The following PINX1 variants were observed in gnomAD, a reference collection of about 807,000 sequenced individuals.
PINX1 encodes PIN2/TERF1-interacting telomerase inhibitor 1.
PINX1 carries 34 observed loss-of-function variants against 25.4 expected under a neutral mutation model. The observed-to-expected ratio is 1.34, with a 90% CI of 1.02 to 1.78. The LOEUF is 1.78. Among genes scored for constraint, PINX1 ranks in the 40% most tolerant of loss-of-function variants. The pLI, the probability that PINX1 is intolerant of heterozygous loss-of-function variation, is 0.00. For missense variants in PINX1, 592 were observed against 404.9 expected (o/e 1.46, Z -3.97); for synonymous variants, 197 against 147.7 (o/e 1.33, Z -2.42).
intron 2 of PINX1, among the ~76,000 whole-genome samples, chr8:10,833,990 C>T (rs1310255084): frequency 6.6e-6 from 1 of 152,054 alleles, no homozygotes; most frequent in African/African-American, 2.4e-5. Flanking sequence ...AAATCTAGAG[C>T]TCAGAGGACA....
intron 6 of PINX1, among the ~76,000 whole-genome samples, chr8:10,776,481 C>G (rs531502544): frequency 6.6e-6 from 1 of 151,974 alleles, no homozygotes; most frequent in Admixed American, 6.6e-5. Context: ...AAAAATTGGT[C>G]TTTAACATTA....
intron 6 of PINX1, among the ~76,000 whole-genome samples, chr8:10,815,495 A>AT (rs969635399): frequency 5.9e-5 from 9 of 151,926 alleles, no homozygotes; most frequent in African/African-American, 1.7e-4. Context: ...ATTTTAAGTA[A>AT]TTTTTTTTTG....
At chr8:10,812,911 A>G (rs1327968458) in intron 6 of PINX1, among the ~76,000 whole-genome samples, 1 of 152,238 alleles carries the variant, frequency 6.6e-6, no homozygotes, top group African/African-American at 2.4e-5. Context: ...TACATGTCCT[A>G]CCTTCTAACT....
intron 6 of PINX1, among the ~76,000 whole-genome samples, chr8:10,797,322 C>T (rs1802116978): frequency 6.6e-6 from 1 of 152,170 alleles, no homozygotes; most frequent in South Asian, 2.1e-4. Flanking sequence ...AAATACAAGG[C>T]ATTACTGTTG....
chr8:10,794,884 G>A (rs1413076116), intron 6 of PINX1, among the ~76,000 whole-genome samples: 2 of 152,166 alleles, frequency 1.3e-5, no homozygotes, highest in Non-Finnish European at 2.9e-5. Flanking sequence ...GGAACAGAAA[G>A]ACCATTTATC....
At position 10,814,428 on chromosome 8, in the gene PINX1, G is replaced by C. The variant is rs1483477253; in HGVS notation, c.471+5765C>G. Among the ~76,000 whole-genome samples, 4 of 152,200 alleles carry C rather than the reference G, an allele frequency of 2.6e-5. No individual in the cohort carries two copies. In the East Asian group the frequency reaches 7.7e-4, roughly 29 times the overall value. On this transcript the variant is annotated intron_variant, in intron 6 of 6. Transcript: ENST00000314787. ...ATGAAGTCAGAGGAGAGTCCTTCAA[G>C]CAGTAGGAATGCTTTATCTTCTGAG...
chr8:10,811,599 C>G (rs28544530), intron 6 of PINX1, among the ~76,000 whole-genome samples: 18,380 of 152,164 alleles, frequency 0.12, 1,682 homozygotes, highest in African/African-American at 0.25. Flanking sequence ...CTCAGGGTCT[C>G]TCACGCGGAT....
chr8:10,817,364 A>G (rs1038640630), intron 6 of PINX1, among the ~76,000 whole-genome samples: 5 of 152,196 alleles, frequency 3.3e-5, no homozygotes, highest in Non-Finnish European at 7.4e-5. Context: ...TTGTATTTTC[A>G]AACAAATCTG....
intron 6 of PINX1, among the ~76,000 whole-genome samples, chr8:10,818,693 A>G (rs1797774771): frequency 6.6e-6 from 1 of 152,114 alleles, no homozygotes; most frequent in Non-Finnish European, 1.5e-5. Context: ...GATGGGGGTT[A>G]TCTCAAGGTA....
chr8:10,815,114 A>T (rs577041619), intron 6 of PINX1, among the ~76,000 whole-genome samples: 1 of 152,116 alleles, frequency 6.6e-6, no homozygotes, highest in East Asian at 1.9e-4. Flanking sequence ...CTAATTTTTT[A>T]AATTTTTGGT....
intron 1 of PINX1, among the ~76,000 whole-genome samples, chr8:10,836,544 C>T (rs564277786): frequency 7.2e-5 from 11 of 152,280 alleles, no homozygotes; most frequent in South Asian, 4.1e-4. Flanking sequence ...GAACTGCACA[C>T]GCTTCACATT....
intron 6 of PINX1, among the ~76,000 whole-genome samples, chr8:10,782,264 C>G (rs1801608769): frequency 1.3e-5 from 2 of 152,026 alleles, no homozygotes. Flanking sequence ...CACTTCAGAT[C>G]TAAGGTATGG....
At chr8:10,796,127 C>T (rs534852519) in intron 6 of PINX1, among the ~76,000 whole-genome samples, 3 of 152,220 alleles carry the variant, frequency 2.0e-5, no homozygotes, top group East Asian at 3.9e-4. Context: ...TTCTGAAAAG[C>T]GCAGATAATG....
At chr8:10,813,947 T>C (rs1044052846) in intron 6 of PINX1, among the ~76,000 whole-genome samples, 5 of 150,428 alleles carry the variant, frequency 3.3e-5, no homozygotes, top group East Asian at 1.9e-4. Context: ...TTCAACCAGA[T>C]AGGAACTGAT....
chr8:10,829,987 A>G (rs1387310223), intron 4 of PINX1, among the ~76,000 whole-genome samples: 1 of 152,164 alleles, frequency 6.6e-6, no homozygotes. Context: ...TTACATTCTT[A>G]TCTGTGTTTC....
At chr8:10,832,712 G>T (rs528874560) in intron 3 of PINX1, among the ~76,000 whole-genome samples, 180 bp downstream of exon 3, 1 of 152,186 alleles carries the variant, frequency 6.6e-6, no homozygotes, top group South Asian at 2.1e-4. Context: ...AAAAAGCGCG[G>T]TAGGCCACTG....
intron 4 of PINX1, among the ~76,000 whole-genome samples, chr8:10,828,175 C>A (rs950825537): frequency 6.6e-6 from 1 of 152,202 alleles, no homozygotes; most frequent in East Asian, 1.9e-4. Flanking sequence ...ATTATTTCCA[C>A]AAGCTGAAAC....
At chr8:10,831,242 A>G (rs950533027) in intron 4 of PINX1, among the ~76,000 whole-genome samples, 10 of 152,260 alleles carry the variant, frequency 6.6e-5, no homozygotes, top group African/African-American at 2.4e-4. Flanking sequence ...AGTTGAGCTC[A>G]TAAAAGTAGA....
At chr8:10,818,178 G>C (rs1797757706) in intron 6 of PINX1, among the ~76,000 whole-genome samples, 2 of 152,192 alleles carry the variant, frequency 1.3e-5, no homozygotes, top group Admixed American at 1.3e-4. Flanking sequence ...AACTGGAAGA[G>C]AGAGAGAGAT....
Sources: gnomAD v4.1 joint callset for allele counts (sites outside exome capture counted in the v4.1 genomes callset) on GRCh38, gnomAD v4.1.1 for gene constraint, MANE v1.5 for transcripts, NCBI Gene and HGNC (gene_info 2026-07-23, HGNC 2026-07-21) for gene names.